Variants in UNC5D observed in about 807,000 individuals in gnomAD.
UNC5D encodes unc-5 netrin receptor D, also known as netrin receptor UNC5D.
Under a neutral mutation model 105.4 loss-of-function variants are expected in UNC5D, and 39 were observed. The observed-to-expected ratio is 0.37, with a 90% CI of 0.29 to 0.48. UNC5D has a LOEUF of 0.48. Among genes scored for constraint, UNC5D ranks in the 20% least tolerant of loss-of-function variants. UNC5D has a pLI of 0.98. For missense variants in UNC5D, 991 were observed against 1,202.4 expected (o/e 0.82, Z 2.60); for synonymous variants, 452 against 450.4 (o/e 1.00, Z -0.04).
At chr8:35,511,638 G>A (rs1360897537) in intron 1 of UNC5D, among the ~76,000 whole-genome samples, 1 of 151,628 alleles carries the variant, frequency 6.6e-6, no homozygotes, top group Non-Finnish European at 1.5e-5. Context: ...CTAATCCAGG[G>A]TTATCCAATC....
chr8:35,593,481 A>G (rs1364189887), intron 3 of UNC5D, among the ~76,000 whole-genome samples: 1 of 152,216 alleles, frequency 6.6e-6, no homozygotes, highest in Non-Finnish European at 1.5e-5. Flanking sequence ...AGCCGGACAC[A>G]GTGGCTCATG....
chr8:35,344,244 G>A (rs1811650929), intron 1 of UNC5D, among the ~76,000 whole-genome samples: 2 of 152,070 alleles, frequency 1.3e-5, no homozygotes, highest in South Asian at 2.1e-4. Flanking sequence ...GTAGTAAGAT[G>A]CGACTGTACA....
At chr8:35,418,695 T>C (rs1805686650) in intron 1 of UNC5D, among the ~76,000 whole-genome samples, 1 of 152,186 alleles carries the variant, frequency 6.6e-6, no homozygotes, top group African/African-American at 2.4e-5. Context: ...CATGGCCACT[T>C]CATATCTCAT....
chr8:35,701,338 C>A (rs896977380), intron 7 of UNC5D, among the ~76,000 whole-genome samples: 23 of 152,308 alleles, frequency 1.5e-4, no homozygotes, highest in African/African-American at 5.3e-4. Flanking sequence ...CTGTCTGCAG[C>A]CCTCACTCTA....
At chr8:35,388,259 G>C (rs1803558105) in intron 1 of UNC5D, among the ~76,000 whole-genome samples, 1 of 152,088 alleles carries the variant, frequency 6.6e-6, no homozygotes, top group Admixed American at 6.6e-5. Context: ...AGCTACTCGG[G>C]AGGCTGAGGC....
At chr8:35,451,104 T>C (rs112406529) in intron 1 of UNC5D, among the ~76,000 whole-genome samples, 17,224 of 149,080 alleles carry the variant, frequency 0.12, 1,229 homozygotes, top group African/African-American at 0.2. Flanking sequence ...AATGCAATGG[T>C]GCAATCTCAG....
At chr8:35,680,274 C>G (rs1286108578) in intron 4 of UNC5D, among the ~76,000 whole-genome samples, 1 of 152,126 alleles carries the variant, frequency 6.6e-6, no homozygotes, top group African/African-American at 2.4e-5. Context: ...AATAAAAACT[C>G]CATGTGTGTT....
At chr8:35,597,046 A>T (rs1819532824) in intron 4 of UNC5D, among the ~76,000 whole-genome samples, 1 of 152,230 alleles carries the variant, frequency 6.6e-6, no homozygotes, top group Admixed American at 6.5e-5. Context: ...AAAGAAAAAG[A>T]AAAAACCAGG....
chr8:35,269,492 A>T (rs1805124465), intron 1 of UNC5D, among the ~76,000 whole-genome samples: 1 of 151,938 alleles, frequency 6.6e-6, no homozygotes, highest in African/African-American at 2.4e-5. Context: ...CACCATTTCC[A>T]CTTGCTTTAT....
At chr8:35,608,481 G>T (rs540402715) in intron 4 of UNC5D, among the ~76,000 whole-genome samples, 1 of 152,186 alleles carries the variant, frequency 6.6e-6, no homozygotes, top group Non-Finnish European at 1.5e-5. Context: ...TGCATAGGTT[G>T]CATGTAAGCC....
intron 6 of UNC5D, among the ~76,000 whole-genome samples, chr8:35,685,675 C>G (rs1332711869): frequency 6.6e-6 from 1 of 152,112 alleles, no homozygotes; most frequent in African/African-American, 2.4e-5. Flanking sequence ...GTTGTTTACT[C>G]CTGTGTTGTG....
intron 14 of UNC5D, among the ~76,000 whole-genome samples, chr8:35,766,035 A>G (rs1801751342): frequency 6.6e-6 from 1 of 152,162 alleles, no homozygotes; most frequent in South Asian, 2.1e-4. Context: ...CATATTAGTC[A>G]CAGTCTGGTA....
chr8:35,268,797 T>TGA (rs1250697514), intron 1 of UNC5D, among the ~76,000 whole-genome samples: 1 of 152,142 alleles, frequency 6.6e-6, no homozygotes, highest in African/African-American at 2.4e-5. Flanking sequence ...GCCTTAAGGA[T>TGA]GAGGAATACA....
chr8:35,667,408 GA>G, intron 4 of UNC5D, among the ~76,000 whole-genome samples: 1 of 152,250 alleles, frequency 6.6e-6, no homozygotes, highest in Non-Finnish European at 1.5e-5. Context: ...GGGAGAAAAA[GA>G]AAAGTCTGGA....
chr8:35,344,511 G>A (rs1209627193), intron 1 of UNC5D, among the ~76,000 whole-genome samples: 3 of 152,030 alleles, frequency 2.0e-5, no homozygotes, highest in Admixed American at 1.3e-4. Context: ...ATATTTATGA[G>A]GAAGTTGGGA....
At chr8:35,653,435 A>G (rs995863435) in intron 4 of UNC5D, among the ~76,000 whole-genome samples, 2 of 152,218 alleles carry the variant, frequency 1.3e-5, no homozygotes, top group South Asian at 4.1e-4. Flanking sequence ...AGGGCTTCCT[A>G]TAGCACAAAT....
intron 1 of UNC5D, among the ~76,000 whole-genome samples, chr8:35,237,931 C>A (rs1342421657): frequency 6.6e-6 from 1 of 152,140 alleles, no homozygotes; most frequent in Non-Finnish European, 1.5e-5. Context: ...TTATGAAGTT[C>A]TCCCTTCCCA....
chr8:35,778,688 G>T (rs1479279326), intron 16 of UNC5D, among the ~76,000 whole-genome samples: 2 of 152,084 alleles, frequency 1.3e-5, no homozygotes, highest in Admixed American at 1.3e-4. Context: ...GCGTTTAAAA[G>T]CTAGTAAAAC....
At position 35,732,732 on chromosome 8, in the gene UNC5D, C is replaced by T. The variant is rs1047296028; in HGVS notation, c.1766+1636C>T. 2.6e-5 allele frequency among the ~76,000 whole-genome samples: 4 copies of T among 152,282 alleles called. No individual in the cohort carries two copies. In the South Asian group the frequency reaches 6.2e-4, roughly 24 times the overall value. ...ACACTCCTAGCTCTGCATCCCCCTC[C>T]CTTGGTTGTAATTGATCCAGTAAGC... On this transcript the variant is annotated intron_variant, in intron 11 of 16. Transcript: ENST00000404895.
Sources: allele counts gnomAD v4.1 joint callset (sites outside exome capture counted in the v4.1 genomes callset), GRCh38; gene constraint gnomAD v4.1.1; transcripts MANE v1.5; gene names NCBI Gene and HGNC (gene_info 2026-07-23, HGNC 2026-07-21).